Variants in RGS6 observed in about 807,000 individuals in gnomAD.
RGS6 encodes regulator of G-protein signaling 6.
RGS6 carries 30 observed loss-of-function variants against 78.5 expected under a neutral mutation model. The ratio of observed to expected loss-of-function variants is 0.38; its 90% confidence interval spans 0.29 to 0.52. RGS6 has a LOEUF of 0.52. Among genes scored for constraint, RGS6 ranks in the 20% least tolerant of loss-of-function variants. The pLI is 0.85. For synonymous variants in RGS6, 206 were observed against 206.0 expected (o/e 1.00, Z 0.00); for missense variants, 495 against 609.7 (o/e 0.81, Z 1.98).
chr14:71,868,057 A>G, the RGS6 span, among the ~76,000 whole-genome samples: 1,498 of 152,258 alleles, frequency 9.8e-3, 34 homozygotes, highest in African/African-American at 0.034. Flanking sequence ...CCAACCAAGG[A>G]AAGGGTCAAA....
chr14:72,233,060 T>A (rs2050063265), intron 2 of RGS6, among the ~76,000 whole-genome samples: 1 of 152,208 alleles, frequency 6.6e-6, no homozygotes, highest in Admixed American at 6.5e-5. Flanking sequence ...TAGCCTGGAA[T>A]GGCTTGTAGA....
intron 17 of RGS6, among the ~76,000 whole-genome samples, chr14:72,543,861 G>A (rs1004247961): frequency 2.6e-5 from 4 of 152,128 alleles, no homozygotes; most frequent in Admixed American, 6.5e-5. Flanking sequence ...TCAGCCTCCC[G>A]AGTAGCTGGG....
At chr14:72,517,779 TG>T (rs1189432069) in intron 14 of RGS6, among the ~76,000 whole-genome samples, 1 of 152,250 alleles carries the variant, frequency 6.6e-6, no homozygotes, top group Admixed American at 6.5e-5. Context: ...TGCCTGCTTC[TG>T]GGATCTCTCC....
chr14:72,424,841 C>T (rs922120876), intron 3 of RGS6, among the ~76,000 whole-genome samples: 1 of 152,192 alleles, frequency 6.6e-6, no homozygotes, highest in Non-Finnish European at 1.5e-5. Context: ...AAAACTTTCC[C>T]TGTGCAGATG....
intron 2 of RGS6, among the ~76,000 whole-genome samples, chr14:72,134,331 A>G (rs953227665): frequency 2.0e-5 from 3 of 152,206 alleles, no homozygotes; most frequent in South Asian, 2.1e-4. Context: ...GTGGTAGCCA[A>G]TGCTCCATTA....
Position 72,522,050 on chromosome 14 carries a change from G to A in RGS6, c.1278+3513G>A, listed in dbSNP as rs10142941. On this transcript the variant is annotated intron_variant, in intron 15 of 17. Coordinates refer to ENST00000553525, the MANE Select transcript of RGS6 (RefSeq NM_001204424.2). Reference sequence around the variant, plus strand: ...TTCCTTGATTTATGTGTGTAGCTACGTGTAAGGTCTGCTCAGGCTGCTACC... The same window carrying A: ...TTCCTTGATTTATGTGTGTAGCTACATGTAAGGTCTGCTCAGGCTGCTACC... Among the ~76,000 whole-genome samples the A allele has an allele frequency of 8.4e-3, 1,284 of 152,196 alleles. 15 individuals are homozygous for A. The highest frequency in any genetic ancestry group is 0.03 in the African/African-American group (1,227 of 41,514).
At chr14:72,145,460 T>A (rs1272177377) in intron 2 of RGS6, among the ~76,000 whole-genome samples, 2 of 152,186 alleles carry the variant, frequency 1.3e-5, no homozygotes, top group Non-Finnish European at 2.9e-5. Context: ...TCTTTCACCA[T>A]CATAATTTCC....
chr14:72,364,823 C>T (rs77865968), intron 3 of RGS6, among the ~76,000 whole-genome samples: 3,501 of 152,270 alleles, frequency 0.023, 161 homozygotes, highest in African/African-American at 0.079. Context: ...AAGCTTCTTT[C>T]CAAAGATGAT....
intron 2 of RGS6, among the ~76,000 whole-genome samples, chr14:72,007,983 C>G (rs1386250322): frequency 6.6e-6 from 1 of 152,174 alleles, no homozygotes; most frequent in East Asian, 1.9e-4. Flanking sequence ...ACTAACTCCC[C>G]AAGCACATGT....
At chr14:72,308,084 C>T (rs1240124454) in intron 2 of RGS6, among the ~76,000 whole-genome samples, 1 of 152,104 alleles carries the variant, frequency 6.6e-6, no homozygotes, top group Admixed American at 6.5e-5. Flanking sequence ...TCTAATTTTC[C>T]AGGTGTACAG....
At chr14:72,239,172 C>T (rs1004290734) in intron 2 of RGS6, among the ~76,000 whole-genome samples, 1 of 152,054 alleles carries the variant, frequency 6.6e-6, no homozygotes, top group Admixed American at 6.5e-5. Context: ...CTAGGACTTT[C>T]TAGGATTCCC....
chr14:72,488,437 C>A (rs532552131), intron 12 of RGS6, among the ~76,000 whole-genome samples: 15 of 152,240 alleles, frequency 9.9e-5, no homozygotes, highest in Admixed American at 2.6e-4. Context: ...GGCTCTCAAC[C>A]ACATTCTCCT....
chr14:71,973,932 T>A (rs1398074063), intron 2 of RGS6, among the ~76,000 whole-genome samples: 1 of 152,136 alleles, frequency 6.6e-6, no homozygotes, highest in Admixed American at 6.5e-5. Context: ...ATGAAAGGGA[T>A]GGTATTTTTA....
At chr14:71,996,158 T>G (rs78138927) in intron 2 of RGS6, among the ~76,000 whole-genome samples, 1 of 149,668 alleles carries the variant, frequency 6.7e-6, no homozygotes, top group Non-Finnish European at 1.5e-5. Flanking sequence ...AGAAGTGTGT[T>G]TTTTTTTTTT....
At chr14:71,889,554 T>G in the RGS6 span, among the ~76,000 whole-genome samples, 1 of 152,116 alleles carries the variant, frequency 6.6e-6, no homozygotes, top group Non-Finnish European at 1.5e-5. Context: ...ATAAGGACAC[T>G]TCACTGAGTG....
At chr14:72,622,256 C>A in the RGS6 span, among the ~76,000 whole-genome samples, 1 of 152,126 alleles carries the variant, frequency 6.6e-6, no homozygotes, top group South Asian at 2.1e-4. Flanking sequence ...CAAGAGTTTA[C>A]TGAGAAGAAG....
chr14:72,084,900 A>G (rs931622711), intron 2 of RGS6, among the ~76,000 whole-genome samples: 1 of 152,192 alleles, frequency 6.6e-6, no homozygotes, highest in African/African-American at 2.4e-5. Context: ...ATATTTGACC[A>G]GGTGGGAAGC....
chr14:72,023,243 C>G (rs1004905648), intron 2 of RGS6, among the ~76,000 whole-genome samples: 15 of 152,198 alleles, frequency 9.9e-5, no homozygotes, highest in African/African-American at 3.6e-4. Context: ...CTTCCTGGAG[C>G]TGGAAATATA....
intron 2 of RGS6, among the ~76,000 whole-genome samples, chr14:72,158,342 G>A (rs1190493823): frequency 6.6e-6 from 1 of 152,068 alleles, no homozygotes; most frequent in Non-Finnish European, 1.5e-5. Flanking sequence ...TTGGATTAGG[G>A]CCCACCCTAA....
Sources: allele counts gnomAD v4.1 joint callset (sites outside exome capture counted in the v4.1 genomes callset), GRCh38; gene constraint gnomAD v4.1.1; transcripts MANE v1.5; gene names NCBI Gene and HGNC (gene_info 2026-07-23, HGNC 2026-07-21).